The following ZNF75D variants were observed in gnomAD, a reference collection of about 807,000 sequenced individuals.
The protein encoded by ZNF75D is zinc finger protein 75.
ZNF75D carries 33 observed loss-of-function variants against 33.3 expected under a neutral mutation model. That is an observed-to-expected ratio of 0.99 (90% CI 0.75 to 1.32). The LOEUF (loss-of-function observed/expected upper bound fraction) is 1.32. Ranked by LOEUF, ZNF75D falls within the 40% of genes most tolerant of loss-of-function variation. The pLI, the probability that ZNF75D is intolerant of heterozygous loss-of-function variation, is 0.00. For synonymous variants in ZNF75D, 113 were observed against 130.6 expected, an observed-to-expected ratio of 0.87 and a Z score of 0.92; for missense variants, 338 against 367.5, an observed-to-expected ratio of 0.92 and a Z score of 0.66.
At chrX:135,310,321 A>T (rs1352142980) in intron 1 of ZNF75D, among the ~76,000 whole-genome samples, 2 of 111,618 alleles carry the variant, frequency 1.8e-5, no homozygotes, top group Non-Finnish European at 3.8e-5. Flanking sequence ...GACATATGAG[A>T]TGGTTCCCAT....
At chrX:135,328,624 T>C (rs1569494944) in intron 1 of ZNF75D, among the ~76,000 whole-genome samples, 1 of 111,928 alleles carries the variant, frequency 8.9e-6, no homozygotes, top group Non-Finnish European at 1.9e-5. Context: ...GTGTTGTTAT[T>C]CTTCTCATTA....
chrX:135,325,514 G>A (rs2084553416), intron 1 of ZNF75D, among the ~76,000 whole-genome samples: 1 of 111,812 alleles, frequency 8.9e-6, no homozygotes, highest in African/African-American at 3.2e-5. Flanking sequence ...CTGAGCTCCG[G>A]GTGGGCATGG....
At chrX:135,307,120 TAAGAGA>T (rs2084297290) in intron 1 of ZNF75D, among the ~76,000 whole-genome samples, 1 of 111,852 alleles carries the variant, frequency 8.9e-6, no homozygotes, top group Admixed American at 9.5e-5. Context: ...GTCAGTTCCT[TAAGAGA>T]AAGAGTTTTC....
At position 135,258,165 on chromosome X, in the gene ZNF75D, G is replaced by C. The variant is rs5978115; in HGVS notation, n.828-2388C>G. On this transcript the variant is annotated intron_variant and non_coding_transcript_variant, in intron 1 of 3. Coordinates refer to the ZNF75D transcript ENST00000494295. ...ACTCATCATTTTTTATGAATGCATA[G>C]TATTCCATGGTGTATAATCCAGTCT... Among the ~76,000 whole-genome samples, 143 of 83,180 alleles carry C rather than the reference G, an allele frequency of 1.7e-3. 3 individuals carry two copies. Among genetic ancestry groups the C allele is most frequent in the African/African-American group, 4.8e-3 (141 of 29,089 alleles). 72.2% of individuals were successfully genotyped at this position (83,180 alleles called of 115,157 possible).
chrX:135,340,625 AGT>A (rs1237736402), intron 1 of ZNF75D, among the ~76,000 whole-genome samples: 1 of 111,873 alleles, frequency 8.9e-6, no homozygotes, highest in Admixed American at 9.4e-5. Flanking sequence ...GGACTCTGTG[AGT>A]GTGTGTTTAT....
chrX:135,273,035 G>A (rs868943924), intron 1 of ZNF75D, among the ~76,000 whole-genome samples: 7 of 111,588 alleles, frequency 6.3e-5, no homozygotes, highest in East Asian at 2.8e-4. Context: ...TGTGTGTTCC[G>A]TCCAATTCTT....
chrX:135,289,551 G>A (rs1355698643), intron 6 of ZNF75D, among the ~76,000 whole-genome samples: 1 of 109,486 alleles, frequency 9.1e-6, no homozygotes, highest in African/African-American at 3.3e-5. Flanking sequence ...GGGAGGTGAA[G>A]GTTGCAGTGA....
intron 6 of ZNF75D, among the ~76,000 whole-genome samples, chrX:135,290,561 CT>C (rs1556420949): frequency 8.9e-6 from 1 of 112,137 alleles, no homozygotes; most frequent in Non-Finnish European, 1.9e-5. Flanking sequence ...GAAACTTTTC[CT>C]TAACTTTTAT....
chrX:135,314,780 C>T (rs890081550), intron 1 of ZNF75D, among the ~76,000 whole-genome samples: 1 of 111,913 alleles, frequency 8.9e-6, no homozygotes, highest in African/African-American at 3.2e-5. Flanking sequence ...GTTCATAATA[C>T]TATGATGATC....
At chrX:135,311,677 A>G (rs1556428268) in intron 1 of ZNF75D, among the ~76,000 whole-genome samples, 1 of 111,798 alleles carries the variant, frequency 8.9e-6, no homozygotes, top group Admixed American at 9.5e-5. Context: ...GAAATTTTGT[A>G]TTCTTTGACC....
chrX:135,311,596 TAC>T (rs1300862364), intron 1 of ZNF75D, among the ~76,000 whole-genome samples: 1 of 112,229 alleles, frequency 8.9e-6, no homozygotes, highest in Non-Finnish European at 1.9e-5. Context: ...AAGAATACAA[TAC>T]AGTTAGTTAC....
intron 1 of ZNF75D, among the ~76,000 whole-genome samples, chrX:135,275,529 T>C (rs2083896545): frequency 9.0e-6 from 1 of 111,318 alleles, no homozygotes; most frequent in Non-Finnish European, 1.9e-5. Context: ...CAAGGTAGAT[T>C]GAGTAGAAAA....
At chrX:135,262,690 C>T (rs368251939) in intron 1 of ZNF75D, among the ~76,000 whole-genome samples, 247 of 111,878 alleles carry the variant, frequency 2.2e-3, no homozygotes, top group African/African-American at 7.8e-3. Context: ...GTTAGCCATT[C>T]GTCTAATCTT....
intron 1 of ZNF75D, among the ~76,000 whole-genome samples, chrX:135,300,769 C>T (rs1556424464): frequency 9.5e-6 from 1 of 105,668 alleles, no homozygotes; most frequent in Non-Finnish European, 2.0e-5. Flanking sequence ...AAAAATCACA[C>T]AATTTATCCA....
chrX:135,292,507 C>T lies in ZNF75D; in HGVS notation c.412-34G>A, dbSNP rs373215148. On this transcript the variant is annotated intron_variant, in intron 3 of 6. Transcript: ENST00000370766. Reference sequence around the variant, plus strand: ...AATCCCCATCCTCATTAGCACAGAACTTACTTTTGGTTTTGGGGTGGTAGT... The same window carrying T: ...AATCCCCATCCTCATTAGCACAGAATTTACTTTTGGTTTTGGGGTGGTAGT... 25 of 1,182,508 alleles carry T rather than the reference C, an allele frequency of 2.1e-5. No homozygotes were observed. The African/African-American group carries it at 3.5e-4, about 17-fold the overall frequency.
rs1331483579 is a variant in ZNF75D, at chrX:135,258,168, T to G, written n.828-2391A>C. On this transcript the variant is annotated intron_variant and non_coding_transcript_variant, in intron 1 of 3. Transcript: ENST00000494295. ...CATCATTTTTTATGAATGCATAGTA[T>G]TCCATGGTGTATAATCCAGTCTATC... Among the ~76,000 whole-genome samples, 4 of 80,807 alleles carry G rather than the reference T, an allele frequency of 5.0e-5. No individual in the cohort carries two copies. In the Admixed American group the frequency reaches 5.3e-4, roughly 11 times the overall value. The allele number at this position is 80,807 out of a possible 115,157, so 70.2% of individuals were successfully genotyped here. A position where few individuals can be genotyped will look rare whatever the true frequency, so the allele number is the denominator to read the frequency against.
At chrX:135,312,250 T>C (rs1556428663) in intron 1 of ZNF75D, among the ~76,000 whole-genome samples, 1 of 111,713 alleles carries the variant, frequency 9.0e-6, no homozygotes, top group African/African-American at 3.3e-5. Context: ...CATGAAATAA[T>C]TGCCTTTCTG....
chrX:135,318,786 T>C (rs1307461718), intron 1 of ZNF75D, among the ~76,000 whole-genome samples: 3 of 111,662 alleles, frequency 2.7e-5, no homozygotes, highest in Non-Finnish European at 5.6e-5. Flanking sequence ...CTAAAACTGA[T>C]GTGGCGTGGT....
At chrX:135,322,029 A>G (rs1238884732) in intron 1 of ZNF75D, among the ~76,000 whole-genome samples, 1 of 112,065 alleles carries the variant, frequency 8.9e-6, no homozygotes, top group East Asian at 2.8e-4. Context: ...CACAATGTCA[A>G]TTACCCTCTA....
Sources: allele counts gnomAD v4.1 joint callset (sites outside exome capture counted in the v4.1 genomes callset), GRCh38; gene constraint gnomAD v4.1.1; transcripts MANE v1.5; gene names NCBI Gene and HGNC (gene_info 2026-07-23, HGNC 2026-07-21).